The following INPP5A variants were observed in gnomAD, a reference collection of about 807,000 sequenced individuals.
INPP5A encodes the protein inositol polyphosphate-5-phosphatase A, also known as 43 kDa inositol polyphosphate 5-phophatase.
In INPP5A, 14 loss-of-function variants were observed where a neutral mutation model predicts 65.2. That is an observed-to-expected ratio of 0.21 (90% CI 0.14 to 0.34). The LOEUF is 0.34. Ranked by LOEUF, INPP5A falls within the 10% of genes least tolerant of loss-of-function variation. INPP5A has a pLI of 1.00. For synonymous variants in INPP5A, 207 were observed against 208.3 expected (o/e 0.99, Z 0.05); for missense variants, 431 against 545.6 (o/e 0.79, Z 2.09).
At chr10:132,585,450 C>T (rs970768461) in intron 1 of INPP5A, among the ~76,000 whole-genome samples, 1 of 152,176 alleles carries the variant, frequency 6.6e-6, no homozygotes, top group Non-Finnish European at 1.5e-5. Flanking sequence ...TTATTTATCT[C>T]TTACTGTACC....
At chr10:132,636,289 C>T (rs779538791) in intron 2 of INPP5A, among the ~76,000 whole-genome samples, 1 of 151,984 alleles carries the variant, frequency 6.6e-6, no homozygotes. Flanking sequence ...TTACTTCTTC[C>T]GTGAAACAGC....
chr10:132,644,332 G>GCAGCACA lies in INPP5A; in HGVS notation c.118-1536_118-1535insCAGCACA, dbSNP rs1564946442. 1.3e-5 allele frequency among the ~76,000 whole-genome samples: 2 copies of GCAGCACA among 152,122 alleles called. No individual in the cohort carries two copies. Among genetic ancestry groups the GCAGCACA allele is most frequent in the African/African-American group, 4.8e-5 (2 of 41,432 alleles). On this transcript the variant is annotated intron_variant, in intron 2 of 15. Transcript: ENST00000368594. The surrounding 1 kb of genome is among the most constrained non-coding windows in gnomAD (Gnocchi z 6.5). ...TGCCGCTGCCACCTGCAGCACAGAC[G>GCAGCACA]GAGCCTGTGCACGGGGCCTGGTCAG...
At chr10:132,740,155 G>C (rs1267361088) in intron 9 of INPP5A, among the ~76,000 whole-genome samples, 1 of 152,218 alleles carries the variant, frequency 6.6e-6, no homozygotes, top group Non-Finnish European at 1.5e-5. Context: ...GACCAGTAAT[G>C]CTTCTCCAGG....
chr10:132,751,514 T>G (rs1416971586), intron 11 of INPP5A, among the ~76,000 whole-genome samples: 1 of 152,226 alleles, frequency 6.6e-6, no homozygotes, highest in African/African-American at 2.4e-5. Flanking sequence ...GACTCTGGGC[T>G]CCAGGATGCT....
chr10:132,752,897 G>A (rs1846522007), intron 11 of INPP5A, among the ~76,000 whole-genome samples: 1 of 152,086 alleles, frequency 6.6e-6, no homozygotes, highest in African/African-American at 2.4e-5. Flanking sequence ...AGAACTTTTG[G>A]ATTTGGTTCT....
chr10:132,720,934 G>A (rs544315225), intron 8 of INPP5A, among the ~76,000 whole-genome samples: 1 of 151,274 alleles, frequency 6.6e-6, no homozygotes, highest in Non-Finnish European at 1.5e-5. Flanking sequence ...TGTGGTGCCT[G>A]GGTTCTGTCT....
chr10:132,699,463 G>A (rs973154505), intron 6 of INPP5A, among the ~76,000 whole-genome samples: 6 of 152,162 alleles, frequency 3.9e-5, no homozygotes, highest in Admixed American at 3.3e-4. Context: ...CTGTTGACCC[G>A]GCACCTCGTC....
intron 8 of INPP5A, among the ~76,000 whole-genome samples, chr10:132,724,078 G>A (rs1845942083): frequency 6.6e-6 from 1 of 152,194 alleles, no homozygotes; most frequent in Non-Finnish European, 1.5e-5. Flanking sequence ...AGAGGAGCAC[G>A]AAATAGCTGG....
At chr10:132,699,470 C>T (rs1205685656) in intron 6 of INPP5A, among the ~76,000 whole-genome samples, 1 of 152,170 alleles carries the variant, frequency 6.6e-6, no homozygotes, top group Non-Finnish European at 1.5e-5. Context: ...CCCGGCACCT[C>T]GTCTCAGGAC....
rs1245282625 is a variant in INPP5A, at chr10:132,551,674, C to A, written c.75+13503C>A. 6.6e-6 allele frequency among the ~76,000 whole-genome samples: 1 copy of A among 152,188 alleles called. No homozygotes were observed. The highest frequency in any genetic ancestry group is 1.5e-5 in the Non-Finnish European group (1 of 68,036). ...GTGCCTCCCTCGCTGCTGCAGTGGGCAGTGTGTGCGTCGTACACAGGTGGA... is the reference window on the plus strand; with the variant it reads ...GTGCCTCCCTCGCTGCTGCAGTGGGAAGTGTGTGCGTCGTACACAGGTGGA... On this transcript the variant is annotated intron_variant, in intron 1 of 15. Transcript: ENST00000368594. The surrounding 1 kb of genome is among the most constrained non-coding windows in gnomAD (Gnocchi z 5.3).
At chr10:132,597,078 C>T (rs146286524) in intron 1 of INPP5A, among the ~76,000 whole-genome samples, 13 of 145,692 alleles carry the variant, frequency 8.9e-5, no homozygotes, top group East Asian at 8.1e-4. Context: ...TACGTGTGTG[C>T]GTGTGTGTAT....
intron 1 of INPP5A, among the ~76,000 whole-genome samples, chr10:132,548,279 C>T (rs984786273): frequency 2.6e-5 from 4 of 152,154 alleles, no homozygotes; most frequent in African/African-American, 4.8e-5. Context: ...CGGTAGTCCC[C>T]GGACCGTGGT....
Position 132,659,832 on chromosome 10 carries a change from A to G in INPP5A, c.306+9327A>G, listed in dbSNP as rs558809217. Among the ~76,000 whole-genome samples, 1 of 152,234 alleles carries G rather than the reference A, an allele frequency of 6.6e-6. No homozygotes were observed. The highest frequency in any genetic ancestry group is 2.4e-5 in the African/African-American group (1 of 41,474). On this transcript the variant is annotated intron_variant, in intron 4 of 15. Coordinates refer to ENST00000368594, the MANE Select transcript of INPP5A (RefSeq NM_005539.5). This position sits in a 1 kb window ranked among gnomAD's most constrained non-coding sequence, Gnocchi z 5.5. ...GGAGCATGGAGAAGGCCAGTGCCTC[A>G]TCACAGAGCCAGATGCCCACAACAG... is the stretch of plus-strand genomic sequence containing the variant.
intron 8 of INPP5A, among the ~76,000 whole-genome samples, chr10:132,721,669 A>G (rs1490470257): frequency 4.8e-4 from 43 of 89,754 alleles, no homozygotes; most frequent in East Asian, 1.1e-3. Flanking sequence ...CTGTCTGGGC[A>G]CCTTAGACAG....
chr10:132,543,188 A>G (rs1418445262), intron 1 of INPP5A, among the ~76,000 whole-genome samples: 1 of 152,142 alleles, frequency 6.6e-6, no homozygotes, highest in Non-Finnish European at 1.5e-5. Flanking sequence ...AGGCAATTGT[A>G]GAACATTTTT....
intron 11 of INPP5A, among the ~76,000 whole-genome samples, chr10:132,750,244 C>T (rs944191771): frequency 1.3e-5 from 2 of 152,260 alleles, no homozygotes; most frequent in Non-Finnish European, 1.5e-5. Context: ...TGTCGCTAGA[C>T]TTGCTGTGTG....
intron 1 of INPP5A, among the ~76,000 whole-genome samples, chr10:132,594,636 G>A (rs571544331): frequency 2.6e-5 from 4 of 152,156 alleles, no homozygotes; most frequent in Middle Eastern, 3.4e-3. Flanking sequence ...CATGGGTGGT[G>A]TGTGGTGCAT....
Position 132,710,590 on chromosome 10 carries a change from G to A in INPP5A, c.647+134G>A, listed in dbSNP as rs1297645264. The A allele has an allele frequency of 4.7e-6, 6 of 1,275,694 alleles. No homozygotes were observed. The African/African-American group carries it at 7.5e-5, about 16-fold the overall frequency. The allele number at this position is 1,275,694 out of a possible 1,614,324, so 79.0% of individuals were successfully genotyped here. The stretch of plus-strand genomic sequence containing the variant: ...TCGGTGTGGGTGGACAGGTAGGTGG[G>A]GTGGACAGGTCAGTGTGGATGGAGA... On this transcript the variant is annotated intron_variant, in intron 8 of 15. Coordinates refer to ENST00000368594, the MANE Select transcript of INPP5A (RefSeq NM_005539.5).
At chr10:132,628,643 A>G (rs192559401) in intron 2 of INPP5A, among the ~76,000 whole-genome samples, 188 of 152,344 alleles carry the variant, frequency 1.2e-3, no homozygotes, top group African/African-American at 4.2e-3. Context: ...TAGAGTTTAA[A>G]TGTGATTAAA....
Sources: gnomAD v4.1 joint callset for allele counts (sites outside exome capture counted in the v4.1 genomes callset) on GRCh38, gnomAD v4.1.1 for gene constraint, Gnocchi (gnomAD v3.1) non-coding constraint, MANE v1.5 for transcripts, NCBI Gene and HGNC (gene_info 2026-07-23, HGNC 2026-07-21) for gene names.